The following MAST2 variants were observed in gnomAD, a reference collection of about 807,000 sequenced individuals.
MAST2 encodes the protein microtubule-associated serine/threonine-protein kinase 2.
A neutral mutation model predicts 147.4 loss-of-function variants in MAST2; 70 were observed. The ratio of observed to expected loss-of-function variants is 0.47; its 90% CI spans 0.39 to 0.58. The LOEUF is 0.58. Ranked by LOEUF, MAST2 falls within the 20% of genes least tolerant of loss-of-function variation. The pLI is 0.00. For synonymous variants in MAST2, 869 were observed against 896.8 expected (o/e 0.97, Z 0.55); for missense variants, 2,080 against 2,302.3 (o/e 0.90, Z 1.98).
chr1:45,865,073 A>G (rs746294657), intron 3 of MAST2: 1 of 455,876 alleles, frequency 2.2e-6, no homozygotes, highest in South Asian at 1.6e-5. Context: ...CTGTCTGGGG[A>G]GTGGCTTTTT....
rs79051120 is a variant in MAST2, at chr1:45,831,235, G to A, written c.468+1654G>A. ...TCTCACACTGTTCCCTCTATCCTTA[G>A]GTCTAGGCACCTACTAATTTGTAGG... On this transcript the variant is annotated intron_variant, in intron 3 of 28. Coordinates refer to ENST00000361297, the MANE Select transcript of MAST2 (RefSeq NM_015112.3). 3.6e-3 allele frequency among the ~76,000 whole-genome samples: 544 copies of A among 152,114 alleles called. 6 individuals carry two copies. Among genetic ancestry groups the A allele is most frequent in the East Asian group, 0.034 (177 of 5,186 alleles).
At chr1:45,965,146 G>GAAAC (rs1660989711) in intron 5 of MAST2, among the ~76,000 whole-genome samples, 1 of 152,154 alleles carries the variant, frequency 6.6e-6, no homozygotes, top group African/African-American at 2.4e-5. Context: ...CAACTATGTG[G>GAAAC]TCAATTTTGG....
In MAST2 at chr1:46,023,286, G is replaced by A. The variant is rs751767263; in HGVS notation, c.1539G>A (p.Glu513=). The change falls in exon 14 of 29, where the codon GAG becomes GAA. Residue 513 remains glutamate (E), a synonymous_variant. Coordinates refer to ENST00000361297, the MANE Select transcript of MAST2 (RefSeq NM_015112.3). This position sits in a 1 kb window ranked among gnomAD's most constrained non-coding sequence, Gnocchi z 4.9. The part of the protein sequence containing the change: ...SKKTPSEEDF[E]TIKLISNGAY... ...AGACACCCTCTGAAGAGGACTTCGA[G>A]ACCATTAAGCTCATCAGCAATGGCG... 6.8e-6 allele frequency: 11 copies of A among 1,614,032 alleles called. No individual in the cohort carries two copies. Among genetic ancestry groups the A allele is most frequent in the Non-Finnish European group, 8.5e-6 (10 of 1,180,032 alleles).
At chr1:45,999,842 C>T (rs1645201856) in intron 6 of MAST2, among the ~76,000 whole-genome samples, 2 of 152,296 alleles carry the variant, frequency 1.3e-5, no homozygotes, top group Admixed American at 6.5e-5. Context: ...ATCTTATTTG[C>T]ATATTTTCTG....
Position 46,034,237 on chromosome 1 carries a change from AC to A in MAST2, c.3841del (p.Arg1281GlyfsTer2). 6.2e-7 allele frequency: 1 copy of A among 1,613,834 alleles called. No individual in the cohort carries two copies. The highest frequency in any genetic ancestry group is 8.5e-7 in the Non-Finnish European group (1 of 1,179,844). ...TCCCCCCGATCTCCCACTCAAGGCTACCGGGTGACCCCCGATGCTGTGCATT... is the reference window on the plus strand; with the variant it reads ...TCCCCCCGATCTCCCACTCAAGGCTACGGGTGACCCCCGATGCTGTGCATT... ...SLSPRSPTQG[Y>X]RVTPDAVHSV... On this transcript the variant is annotated frameshift_variant, in exon 28 of 29. Coordinates refer to ENST00000361297, the MANE Select transcript of MAST2 (RefSeq NM_015112.3). LOFTEE classifies it low-confidence loss of function (END_TRUNC).
intron 4 of MAST2, chr1:45,917,587 T>C: frequency 7.9e-7 from 1 of 1,273,290 alleles, no homozygotes; most frequent in Middle Eastern, 2.6e-4. Context: ...GGCCAAATGG[T>C]AAAACGCATA....
At chr1:45,946,361 A>G (rs370054641) in intron 4 of MAST2, among the ~76,000 whole-genome samples, 2 of 152,200 alleles carry the variant, frequency 1.3e-5, no homozygotes, top group Non-Finnish European at 2.9e-5. Flanking sequence ...GTTGCCTGTC[A>G]TGAAGGGAAC....
At chr1:46,018,288 G>T (rs538554014) in intron 10 of MAST2, among the ~76,000 whole-genome samples, 1 of 151,934 alleles carries the variant, frequency 6.6e-6, no homozygotes, top group Non-Finnish European at 1.5e-5. Flanking sequence ...TCATCTCTAC[G>T]CTGAGGACTC....
intron 3 of MAST2, among the ~76,000 whole-genome samples, chr1:45,869,647 C>T (rs539842134): frequency 9.9e-5 from 15 of 152,254 alleles, no homozygotes; most frequent in African/African-American, 2.9e-4. Context: ...AGCGGTGTTA[C>T]TCTTGATGGT....
chr1:45,811,619 G>A (rs1317602346), intron 1 of MAST2, among the ~76,000 whole-genome samples: 1 of 145,688 alleles, frequency 6.9e-6, no homozygotes, highest in African/African-American at 2.6e-5. Context: ...GATTATAGGC[G>A]TGAGCCACCG....
intron 5 of MAST2, among the ~76,000 whole-genome samples, chr1:45,979,674 A>C (rs1644320693): frequency 6.6e-6 from 1 of 152,134 alleles, no homozygotes; most frequent in Non-Finnish European, 1.5e-5. Context: ...AAAATTAAAA[A>C]ATTATCTGGC....
intron 18 of MAST2, chr1:46,029,166 C>T: frequency 1.8e-6 from 1 of 553,990 alleles, no homozygotes; most frequent in East Asian, 2.9e-5. Flanking sequence ...CTCATATACA[C>T]CTGGGTGTTC....
chr1:45,975,447 T>C (rs557254878), intron 5 of MAST2, among the ~76,000 whole-genome samples: 2 of 129,878 alleles, frequency 1.5e-5, no homozygotes, highest in Admixed American at 2.0e-4. Context: ...TCACTTGAGG[T>C]CAGGAGTTTG....
Position 46,019,655 on chromosome 1 carries a change from G to A in MAST2, c.1248G>A (p.Leu416=). 1 of 1,614,196 alleles carries A rather than the reference G, an allele frequency of 6.2e-7. No individual in the cohort carries two copies. Among genetic ancestry groups the A allele is most frequent in the Non-Finnish European group, 8.5e-7 (1 of 1,180,028 alleles). The change falls in exon 11 of 29, where the codon CTG becomes CTA. Residue 416 remains leucine, a synonymous_variant. Coordinates refer to ENST00000361297, the MANE Select transcript of MAST2 (RefSeq NM_015112.3). ...VAFVMQLVKK[L]MIIIARPARL... ...TTGTGATGCAGCTGGTGAAAAAGCT[G>A]ATGATTATCATTGCCCGCCCAGCAC...
At chr1:45,812,554 G>A (rs545637974) in intron 1 of MAST2, among the ~76,000 whole-genome samples, 23 of 151,686 alleles carry the variant, frequency 1.5e-4, no homozygotes, top group African/African-American at 5.1e-4. Flanking sequence ...CAGCCTCCCA[G>A]TAGCTGGGAT....
intron 2 of MAST2, among the ~76,000 whole-genome samples, chr1:45,827,966 G>C (rs1205848610): frequency 6.6e-6 from 1 of 151,712 alleles, no homozygotes; most frequent in African/African-American, 2.4e-5. Context: ...TGAGTAGCTG[G>C]GACCACAGGC....
chr1:45,893,302 G>A (rs1015900190), intron 4 of MAST2, among the ~76,000 whole-genome samples: 1 of 152,158 alleles, frequency 6.6e-6, no homozygotes. Context: ...CTGGGCTCAA[G>A]CGATCCTCCT....
At chr1:45,921,188 G>A (rs1653410637) in intron 4 of MAST2, among the ~76,000 whole-genome samples, 1 of 152,148 alleles carries the variant, frequency 6.6e-6, no homozygotes, top group Non-Finnish European at 1.5e-5. Flanking sequence ...TAGAGACGGG[G>A]TTTCACCACG....
chr1:45,872,772 C>T (rs10890360), intron 3 of MAST2, among the ~76,000 whole-genome samples: 51,731 of 152,030 alleles, frequency 0.34, 9,216 homozygotes, highest in African/African-American at 0.44. Context: ...TGAGCCACCA[C>T]GCCTGGCCAT....
Sources: gnomAD v4.1 joint callset for allele counts (sites outside exome capture counted in the v4.1 genomes callset) on GRCh38, gnomAD v4.1.1 for gene constraint, Gnocchi (gnomAD v3.1) non-coding constraint, MANE v1.5 for transcripts, NCBI Gene and HGNC (gene_info 2026-07-23, HGNC 2026-07-21) for gene names.